Variants in MAK observed in about 807,000 individuals in gnomAD.
The protein encoded by MAK is serine/threonine-protein kinase MAK.
Under a neutral mutation model 82.6 loss-of-function variants are expected in MAK, and 65 were observed. That is an observed-to-expected ratio of 0.79 (90% CI 0.64 to 0.97). The LOEUF is 0.97. MAK is among the 50% of genes least tolerant of loss of function. MAK has a pLI of 0.00. For synonymous variants in MAK, 250 were observed against 274.2 expected (o/e 0.91, Z 0.87); for missense variants, 703 against 780.2 (o/e 0.90, Z 1.18).
At chr6:10,765,048 A>G (rs545678959) in intron 14 of MAK, among the ~76,000 whole-genome samples, 46 of 151,770 alleles carry the variant, frequency 3.0e-4, no homozygotes, top group African/African-American at 1.1e-3. Flanking sequence ...GTGAGCCGAG[A>G]TCATACCATT....
rs1307964066 is a variant in MAK, at chr6:10,800,013, A to G, written c.831+1879T>C. Among the ~76,000 whole-genome samples, 2 of 152,106 alleles carry G rather than the reference A, an allele frequency of 1.3e-5. No individual in the cohort carries two copies. Among genetic ancestry groups the G allele is most frequent in the African/African-American group, 4.8e-5 (2 of 41,406 alleles). ...TAGTGAACCGAGATCACGCTACTGCACTCCAGCCTGGGCGATGGAGCGAGA... is the reference window on the plus strand; with the variant it reads ...TAGTGAACCGAGATCACGCTACTGCGCTCCAGCCTGGGCGATGGAGCGAGA... On this transcript the variant is annotated intron_variant, in intron 8 of 14. Transcript: ENST00000354489. The surrounding 1 kb of genome is among the most constrained non-coding windows in gnomAD (Gnocchi z 4.2).
intron 1 of MAK, among the ~76,000 whole-genome samples, chr6:10,837,172 TTC>T (rs1779198588): frequency 1.3e-5 from 2 of 152,202 alleles, no homozygotes; most frequent in Non-Finnish European, 2.9e-5. Flanking sequence ...GGCTTAACGC[TTC>T]TAATACACAA....
At chr6:10,788,001 A>T (rs550463247) in intron 10 of MAK, among the ~76,000 whole-genome samples, 1 of 152,158 alleles carries the variant, frequency 6.6e-6, no homozygotes, top group Admixed American at 6.6e-5. Flanking sequence ...AGGTATATAG[A>T]CTACAACCTT....
chr6:10,802,122 TTA>T, intron 7 of MAK, 63 bp from the exon 8 acceptor site: 1 of 1,308,390 alleles, frequency 7.6e-7, no homozygotes, highest in African/African-American at 1.5e-5. Context: ...AGTAATCCAT[TTA>T]AAAAACACAG....
Position 10,771,559 on chromosome 6 carries a change from G to A in MAK, c.1673-1329C>T, listed in dbSNP as rs146381109. On this transcript the variant is annotated intron_variant, in intron 13 of 14. Coordinates refer to ENST00000354489, the MANE Select transcript of MAK (RefSeq NM_001242957.3). The stretch of plus-strand genomic sequence containing the variant: ...GAAATGGGGCTCTGATCACCCTCGT[G>A]GTTTCAAAGCACTGTTCAGTAAACA... 1.2e-3 allele frequency among the ~76,000 whole-genome samples: 177 copies of A among 152,302 alleles called. 1 individual carries two copies. Among genetic ancestry groups the A allele is most frequent in the African/African-American group, 3.8e-3 (156 of 41,570 alleles).
At chr6:10,806,324 C>T (rs1241904339) in intron 6 of MAK, among the ~76,000 whole-genome samples, 3 of 60,004 alleles carry the variant, frequency 5.0e-5, no homozygotes, top group Non-Finnish European at 1.3e-4. Context: ...TGCCACCATG[C>T]CTGGCTAATT....
At chr6:10,787,632 G>T (rs543504117) in intron 10 of MAK, among the ~76,000 whole-genome samples, 2 of 152,268 alleles carry the variant, frequency 1.3e-5, no homozygotes, top group Non-Finnish European at 2.9e-5. Context: ...GCTGAGGCAG[G>T]TGGATCACGA....
chr6:10,817,791 A>G (rs1455296067), intron 4 of MAK, 59 bp downstream of exon 4: 2 of 1,358,204 alleles, frequency 1.5e-6, no homozygotes, highest in African/African-American at 2.9e-5. Context: ...ATGACATATC[A>G]AAAGGATCCA....
chr6:10,830,714 C>T lies in MAK; in HGVS notation c.-66G>A, dbSNP rs181775528. 5.5e-5 allele frequency: 70 copies of T among 1,269,236 alleles called. No homozygotes were observed. In the Admixed American group the frequency reaches 9.1e-4, roughly 17 times the overall value. The allele number at this position is 1,269,236 out of a possible 1,614,324, so 78.6% of individuals were successfully genotyped here. ...CTTCCTTGTTGAATATAAATTTGAA[C>T]GCTTCTTAATTTTTATTTGCTTTTG... On this transcript the variant is annotated 5_prime_UTR_variant, in exon 2 of 15. Transcript: ENST00000354489.
chr6:10,799,720 C>G (rs1775863546), intron 8 of MAK, among the ~76,000 whole-genome samples: 1 of 152,232 alleles, frequency 6.6e-6, no homozygotes, highest in African/African-American at 2.4e-5. Flanking sequence ...CACCTGAGGT[C>G]AGGAGATCAA....
chr6:10,835,754 A>G (rs1044138698), intron 1 of MAK, among the ~76,000 whole-genome samples: 1 of 152,226 alleles, frequency 6.6e-6, no homozygotes, highest in African/African-American at 2.4e-5. Flanking sequence ...CTCTGGTTGC[A>G]TGGTAATGAT....
intron 2 of MAK, among the ~76,000 whole-genome samples, chr6:10,824,385 C>T (rs1778199152): frequency 6.6e-6 from 1 of 152,218 alleles, no homozygotes; most frequent in African/African-American, 2.4e-5. Context: ...TTTATACAAC[C>T]TCTTTCTTGT....
At chr6:10,782,202 T>TCTCTCACACACACACA (rs1282004841) in intron 11 of MAK, among the ~76,000 whole-genome samples, 2 of 146,054 alleles carry the variant, frequency 1.4e-5, no homozygotes, top group African/African-American at 5.1e-5. Context: ...TGAAACTCTG[T>TCTCTCACACACACACA]CACACACACA....
chr6:10,784,594 G>T, intron 10 of MAK, 22 bp from the exon 11 acceptor site: 1 of 1,568,338 alleles, frequency 6.4e-7, no homozygotes, highest in Middle Eastern at 1.7e-4. Context: ...ATGAAAGGTA[G>T]CATTACAGCA....
rs1465632851 is a variant in MAK at position 10,813,650 on chromosome 6, T to A, written c.352A>T (p.Lys118Ter). 1.3e-6 allele frequency: 2 copies of A among 1,578,608 alleles called. No individual in the cohort carries two copies. The highest frequency in any genetic ancestry group is 1.7e-6 in the Non-Finnish European group (2 of 1,147,980). The change falls in exon 5 of 15, where the codon AAA (lysine) becomes TAA (stop). Residue 118 changes from lysine (K) to a stop codon, truncating the protein, a stop_gained. Coordinates refer to ENST00000354489, the MANE Select transcript of MAK (RefSeq NM_001242957.3). LOFTEE classifies it high-confidence loss of function. ...QILQGLAFIH[K>*]HGFFHRDMKP... Reference sequence around the variant, plus strand: ...AAACTTAAAAGAAACCTACCATGTTTATGGATAAAAGCCAGCCCTTGCAAT... The same window carrying A: ...AAACTTAAAAGAAACCTACCATGTTAATGGATAAAAGCCAGCCCTTGCAAT...
At chr6:10,806,735 C>T (rs1776493715) in intron 6 of MAK, among the ~76,000 whole-genome samples, 1 of 151,956 alleles carries the variant, frequency 6.6e-6, no homozygotes, top group South Asian at 2.1e-4. Context: ...TCAGGTGATC[C>T]ACCCGTCCTG....
intron 11 of MAK, among the ~76,000 whole-genome samples, chr6:10,781,022 C>T (rs1773922613): frequency 6.6e-6 from 1 of 152,194 alleles, no homozygotes. Flanking sequence ...TTCCTAAGCT[C>T]TTCAGTCCCT....
rs754612195 is a variant in MAK, at chr6:10,784,502, A to C, written c.1387T>G (p.Ser463Ala). The C allele has an allele frequency of 2.5e-6, 4 of 1,614,052 alleles. No homozygotes were observed. Among genetic ancestry groups the C allele is most frequent in the Admixed American group, 1.7e-5 (1 of 59,992 alleles). Reference protein sequence around the residue: ...GENKSLPAVTSLKSDSELSTA... With the variant: ...GENKSLPAVTALKSDSELSTA... Reference sequence around the variant, plus strand: ...GACAATTCGGAATCAGATTTTAGGGAAGTAACAGCAGGTAAGCTCTTGTTT... The same window carrying C: ...GACAATTCGGAATCAGATTTTAGGGCAGTAACAGCAGGTAAGCTCTTGTTT... Residue 463 changes from serine to alanine, a missense_variant, in exon 11 of 15, where the codon TCC (serine) becomes GCC (alanine). Physicochemically the swap from Ser to Ala is moderately conservative, Grantham distance 99 (BLOSUM62 1). Transcript: ENST00000354489.
chr6:10,775,517 A>G, intron 11 of MAK, 58 bp from the exon 12 acceptor site: 1 of 1,576,936 alleles, frequency 6.3e-7, no homozygotes, highest in Non-Finnish European at 8.7e-7. Flanking sequence ...CTTAAAGGAA[A>G]CTTATGTAAT....
Sources: gnomAD v4.1 joint callset for allele counts (sites outside exome capture counted in the v4.1 genomes callset) on GRCh38, gnomAD v4.1.1 for gene constraint, Gnocchi (gnomAD v3.1) non-coding constraint, MANE v1.5 for transcripts, NCBI Gene and HGNC (gene_info 2026-07-23, HGNC 2026-07-21) for gene names.